The following ENTREP2 variants were observed in gnomAD, a reference collection of about 807,000 sequenced individuals.
The protein encoded by ENTREP2 is endosomal transmembrane epsin interactor 2.
the ENTREP2 span, among the ~76,000 whole-genome samples, chr15:29,398,872 T>C: frequency 2.6e-5 from 4 of 152,290 alleles, no homozygotes; most frequent in East Asian, 7.7e-4. Context: ...TGAATATGTA[T>C]GTGATTAGGT....
At chr15:29,328,499 C>T in the ENTREP2 span, among the ~76,000 whole-genome samples, 1 of 152,152 alleles carries the variant, frequency 6.6e-6, no homozygotes, top group Non-Finnish European at 1.5e-5. Flanking sequence ...ATCTACGAAA[C>T]AACCTCACTG....
At chr15:29,178,894 A>G in the ENTREP2 span, among the ~76,000 whole-genome samples, 2 of 152,366 alleles carry the variant, frequency 1.3e-5, no homozygotes, top group South Asian at 4.1e-4. Context: ...CTTAATCAGT[A>G]TCAGATCATC....
the ENTREP2 span, among the ~76,000 whole-genome samples, chr15:29,656,043 AC>A: frequency 0.012 from 1,702 of 144,426 alleles, 24 homozygotes; most frequent in African/African-American, 0.035. Context: ...AAAAAAAAAA[AC>A]AACTATGTAG....
At chr15:29,515,995 T>G in the ENTREP2 span, among the ~76,000 whole-genome samples, 1 of 152,268 alleles carries the variant, frequency 6.6e-6, no homozygotes, top group East Asian at 1.9e-4. Flanking sequence ...TACCTTAAAC[T>G]TGAATAGCCA....
At chr15:29,206,104 G>A in the ENTREP2 span, among the ~76,000 whole-genome samples, 3,446 of 152,258 alleles carry the variant, frequency 0.023, 117 homozygotes, top group African/African-American at 0.079. Context: ...TACCACAGAC[G>A]GGGTGGCTTA....
At chr15:29,582,005 G>A in the ENTREP2 span, among the ~76,000 whole-genome samples, 1 of 150,728 alleles carries the variant, frequency 6.6e-6, no homozygotes, top group Admixed American at 6.6e-5. Flanking sequence ...GCAGTGGCAT[G>A]GTCTCAGCTC....
chr15:29,164,733 G>T, the ENTREP2 span, among the ~76,000 whole-genome samples: 1 of 151,986 alleles, frequency 6.6e-6, no homozygotes, highest in South Asian at 2.1e-4. Context: ...TAATAGTGGG[G>T]GACTTCAATA....
chr15:29,670,721 G>GT, the ENTREP2 span, among the ~76,000 whole-genome samples: 161 of 152,312 alleles, frequency 1.1e-3, no homozygotes, highest in Non-Finnish European at 2.0e-3. Context: ...AGGGCCTGCA[G>GT]TGAGGGGTCC....
At chr15:29,289,611 C>T in the ENTREP2 span, among the ~76,000 whole-genome samples, 2,343 of 152,034 alleles carry the variant, frequency 0.015, 49 homozygotes, top group African/African-American at 0.051. Flanking sequence ...TTTGGGAGGC[C>T]GAGGTGGGTG....
At chr15:29,621,395 C>T in the ENTREP2 span, among the ~76,000 whole-genome samples, 112 of 151,060 alleles carry the variant, frequency 7.4e-4, 1 homozygote, top group African/African-American at 2.7e-3. Context: ...TGGTGGCGGG[C>T]GCCTGTAGTC....
chr15:29,172,679 G>A, the ENTREP2 span, among the ~76,000 whole-genome samples: 10 of 152,088 alleles, frequency 6.6e-5, no homozygotes, highest in Non-Finnish European at 1.2e-4. Context: ...GAAATGCCAC[G>A]GATGTGGTTG....
At chr15:29,665,025 C>T in the ENTREP2 span, among the ~76,000 whole-genome samples, 5 of 152,336 alleles carry the variant, frequency 3.3e-5, no homozygotes, top group East Asian at 5.8e-4. Flanking sequence ...TTGCAGTCAT[C>T]GGTTGGGAAC....
At chr15:29,382,435 C>T in the ENTREP2 span, among the ~76,000 whole-genome samples, 6 of 152,020 alleles carry the variant, frequency 3.9e-5, no homozygotes, top group Non-Finnish European at 8.8e-5. Context: ...CTTCTCTCCC[C>T]TCCAGCCCCT....
At chr15:29,453,243 G>A in the ENTREP2 span, among the ~76,000 whole-genome samples, 2 of 152,192 alleles carry the variant, frequency 1.3e-5, no homozygotes, top group Admixed American at 1.3e-4. Context: ...AGGCCGGTAG[G>A]ACTGTTACTG....
the ENTREP2 span, among the ~76,000 whole-genome samples, chr15:29,367,084 G>A: frequency 2.0e-5 from 3 of 152,126 alleles, no homozygotes; most frequent in Non-Finnish European, 2.9e-5. Flanking sequence ...CATAACTCTG[G>A]AAATTAACCA....
chr15:29,638,033 C>T, the ENTREP2 span, among the ~76,000 whole-genome samples: 1 of 152,222 alleles, frequency 6.6e-6, no homozygotes. Flanking sequence ...CCAAGTGTGT[C>T]TGTCACTGCA....
the ENTREP2 span, chr15:29,381,932 A>G: frequency 9.8e-7 from 1 of 1,016,094 alleles, no homozygotes; most frequent in Non-Finnish European, 1.5e-6. Context: ...GACGTGTGGA[A>G]CACAGCACAC....
chr15:29,244,815 TA>T, the ENTREP2 span, among the ~76,000 whole-genome samples: 1 of 152,202 alleles, frequency 6.6e-6, no homozygotes, highest in African/African-American at 2.4e-5. Flanking sequence ...TCCTGTGTCC[TA>T]TGAAGCTCAG....
chr15:29,457,257 A>G, the ENTREP2 span, among the ~76,000 whole-genome samples: 2 of 152,356 alleles, frequency 1.3e-5, no homozygotes, highest in East Asian at 3.9e-4. Context: ...TGCCCCTGCC[A>G]TCACTTGGTG....
Sources: gnomAD v4.1 joint callset for allele counts (sites outside exome capture counted in the v4.1 genomes callset) on GRCh38, gnomAD v4.1.1 for gene constraint, MANE v1.5 for transcripts, NCBI Gene and HGNC (gene_info 2026-07-23, HGNC 2026-07-21) for gene names.